NRXN1: variants seen among roughly 807,000 people sequenced by gnomAD.
The protein encoded by NRXN1 is neurexin-1.
A neutral mutation model predicts 150.9 loss-of-function variants in NRXN1; 39 were observed. The observed-to-expected ratio is 0.26, with a 90% CI of 0.20 to 0.34. NRXN1 has a LOEUF of 0.34. Among genes scored for constraint, NRXN1 ranks in the 10% least tolerant of loss-of-function variants. The pLI is 1.00. For missense variants in NRXN1, 1,815 were observed against 1,949.9 expected, an observed-to-expected ratio of 0.93 and a Z score of 1.30; for synonymous variants, 924 against 757.0, an observed-to-expected ratio of 1.22 and a Z score of -3.62.
intron 18 of NRXN1, among the ~76,000 whole-genome samples, chr2:50,160,529 G>A (rs74351578): frequency 0.056 from 8,390 of 151,042 alleles, 861 homozygotes; most frequent in African/African-American, 0.19. Context: ...CAACAAGAGC[G>A]AAATTTCGTC....
intron 19 of NRXN1, among the ~76,000 whole-genome samples, chr2:50,085,276 T>G (rs900919351): frequency 6.6e-6 from 1 of 152,226 alleles, no homozygotes. Context: ...AACTATTTAT[T>G]AAGCACCTTC....
At chr2:50,910,428 T>C (rs978155157) in intron 5 of NRXN1, among the ~76,000 whole-genome samples, 1 of 151,938 alleles carries the variant, frequency 6.6e-6, no homozygotes, top group African/African-American at 2.4e-5. Context: ...ACAAATGAGT[T>C]TCAAAGAGGC....
chr2:50,189,655 C>T (rs148683921), intron 18 of NRXN1, among the ~76,000 whole-genome samples: 1 of 151,914 alleles, frequency 6.6e-6, no homozygotes, highest in East Asian at 1.9e-4. Flanking sequence ...TAGAATGAGT[C>T]ATCTCAAAAC....
chr2:50,319,401 G>C (rs747070877), intron 17 of NRXN1, among the ~76,000 whole-genome samples: 1 of 152,008 alleles, frequency 6.6e-6, no homozygotes, highest in South Asian at 2.1e-4. Context: ...CTGATCACAA[G>C]CTCCTTTATC....
In NRXN1 at chr2:49,947,797, A is replaced by G. The variant is rs542526492; in HGVS notation, c.4129-4006T>C. 2.8e-4 allele frequency among the ~76,000 whole-genome samples: 43 copies of G among 152,152 alleles called. 1 individual carries two copies. The South Asian group carries it at 8.9e-3, about 32-fold the overall frequency. ...TCTGTCTTATTGTTCTCCTAAAAAT[A>G]TGGACAGCATAATAGTATCTATTGT... On this transcript the variant is annotated intron_variant, in intron 21 of 22. Transcript: ENST00000401669.
chr2:50,890,755 TTTAA>T (rs1175759749), intron 5 of NRXN1, among the ~76,000 whole-genome samples: 4 of 151,924 alleles, frequency 2.6e-5, no homozygotes, highest in African/African-American at 9.7e-5. Context: ...GAAAAATTCA[TTTAA>T]TTATCACCTT....
intron 15 of NRXN1, among the ~76,000 whole-genome samples, chr2:50,494,775 G>A (rs1362725106): frequency 6.6e-6 from 1 of 152,166 alleles, no homozygotes; most frequent in Non-Finnish European, 1.5e-5. Context: ...GCTCACACCT[G>A]TAATCCTAGC....
At chr2:50,369,181 A>C (rs975508431) in intron 17 of NRXN1, among the ~76,000 whole-genome samples, 1 of 151,866 alleles carries the variant, frequency 6.6e-6, no homozygotes, top group Admixed American at 6.6e-5. Flanking sequence ...TAGCTCAGAG[A>C]AAGAGGTGAG....
intron 2 of NRXN1, among the ~76,000 whole-genome samples, chr2:50,967,580 C>A (rs1281910922): frequency 6.6e-6 from 1 of 151,960 alleles, no homozygotes; most frequent in Non-Finnish European, 1.5e-5. Context: ...AAATATGGAA[C>A]AGGGCATGTA....
chr2:50,255,508 C>T (rs567856984), intron 17 of NRXN1, among the ~76,000 whole-genome samples: 1 of 152,226 alleles, frequency 6.6e-6, no homozygotes, highest in Non-Finnish European at 1.5e-5. Context: ...ACTAAAATTA[C>T]AAGGTGGTTC....
chr2:50,393,165 C>CAA lies in NRXN1; in HGVS notation c.3364+72275_3364+72276dup, dbSNP rs201195938. Among the ~76,000 whole-genome samples the CAA allele has an allele frequency of 1.8e-3, 243 of 136,826 alleles. 1 individual carries two copies. Among genetic ancestry groups the CAA allele is most frequent in the African/African-American group, 6.7e-3 (231 of 34,640 alleles). The allele number at this position is 136,826 out of a possible 152,430, so 89.8% of individuals were successfully genotyped here. ...TGTAATTTAAGGGCCCTCTCCATACCAAAAAAAAAAATAATAATAAAACAT... is the reference window on the plus strand; with the variant it reads ...TGTAATTTAAGGGCCCTCTCCATACCAAAAAAAAAAAAATAATAATAAAACAT... On this transcript the variant is annotated intron_variant, in intron 17 of 22. Transcript: ENST00000401669.
chr2:50,716,426 T>G (rs1695878132), intron 5 of NRXN1, among the ~76,000 whole-genome samples: 1 of 151,924 alleles, frequency 6.6e-6, no homozygotes, highest in Non-Finnish European at 1.5e-5. Context: ...AGAAAAAGAA[T>G]AAACTCAAGC....
At chr2:50,846,189 A>C (rs193030302) in intron 5 of NRXN1, among the ~76,000 whole-genome samples, 9 of 152,288 alleles carry the variant, frequency 5.9e-5, no homozygotes, top group Admixed American at 3.9e-4. Context: ...CTTCATACAC[A>C]ACCACCAGGT....
intron 18 of NRXN1, among the ~76,000 whole-genome samples, chr2:50,153,333 C>A (rs1424992772): frequency 6.6e-6 from 1 of 151,148 alleles, no homozygotes; most frequent in Admixed American, 6.6e-5. Context: ...TTTTCTCTGG[C>A]ACAGTTTCTA....
At chr2:50,666,669 C>T (rs1449215447) in intron 5 of NRXN1, among the ~76,000 whole-genome samples, 3 of 151,844 alleles carry the variant, frequency 2.0e-5, no homozygotes, top group Admixed American at 2.0e-4. Context: ...TATATGGCTG[C>T]TTCTTACTCT....
chr2:50,783,000 G>C (rs185387886), intron 5 of NRXN1, among the ~76,000 whole-genome samples: 139 of 152,230 alleles, frequency 9.1e-4, no homozygotes, highest in African/African-American at 3.2e-3. Flanking sequence ...CTGATAATGT[G>C]TAAAGAACCA....
At chr2:50,280,149 G>A (rs368050139) in intron 17 of NRXN1, among the ~76,000 whole-genome samples, 7 of 151,856 alleles carry the variant, frequency 4.6e-5, no homozygotes, top group African/African-American at 1.2e-4. Context: ...GTGGTGGCGG[G>A]CGCCTGTAGT....
rs1401908157 is a variant in NRXN1, at chr2:50,755,653, C to T, written c.833-132038G>A. Among the ~76,000 whole-genome samples, 3 of 151,832 alleles carry T rather than the reference C, an allele frequency of 2.0e-5. No homozygotes were observed. The East Asian group carries it at 5.8e-4, about 29-fold the overall frequency. On this transcript the variant is annotated intron_variant, in intron 5 of 22. Coordinates refer to ENST00000401669, the MANE Select transcript of NRXN1 (RefSeq NM_001330078.2). ...AAAAATCAAGCCATTCTTGATTCCT[C>T]TCAGGAGAAAGAATGTTTTCTAATC... is the stretch of plus-strand genomic sequence containing the variant.
Position 50,512,931 on chromosome 2 carries a change from G to C in NRXN1, c.2375-6314C>G, listed in dbSNP as rs778086125. ...CCTCTTTACATTTGGTTCAAATGTA[G>C]ATTCTCATATATTTCAGGGGAGATC... On this transcript the variant is annotated intron_variant, in intron 12 of 22. Transcript: ENST00000401669. Among the ~76,000 whole-genome samples the C allele has an allele frequency of 1.3e-3, 199 of 152,192 alleles. 1 individual carries two copies. The highest frequency in any genetic ancestry group is 2.4e-3 in the Admixed American group (37 of 15,278).
Sources: allele counts gnomAD v4.1 joint callset (sites outside exome capture counted in the v4.1 genomes callset), GRCh38; gene constraint gnomAD v4.1.1; transcripts MANE v1.5; gene names NCBI Gene and HGNC (gene_info 2026-07-23, HGNC 2026-07-21).